Variants in VPS36 observed in about 807,000 individuals in gnomAD.
VPS36 encodes vacuolar protein sorting 36 homolog, also known as vacuolar protein-sorting-associated protein 36.
Under a neutral mutation model 63.5 loss-of-function variants are expected in VPS36, and 31 were observed. The ratio of observed to expected loss-of-function variants is 0.49; its 90% CI spans 0.37 to 0.66. VPS36 has a LOEUF of 0.66. Ranked by LOEUF, VPS36 falls within the 30% of genes least tolerant of loss-of-function variation. The pLI is 0.00. For synonymous variants in VPS36, 138 were observed against 157.2 expected (o/e 0.88, Z 0.91); for missense variants, 338 against 463.7 (o/e 0.73, Z 2.49).
chr13:52,419,672 T>TA (rs1408855604), intron 10 of VPS36, among the ~76,000 whole-genome samples: 1 of 152,196 alleles, frequency 6.6e-6, no homozygotes, highest in East Asian at 1.9e-4. Flanking sequence ...GAAAGGAGTG[T>TA]ATCAAAGAGA....
intron 10 of VPS36, among the ~76,000 whole-genome samples, chr13:52,418,821 C>T (rs1253429785): frequency 6.6e-6 from 1 of 152,192 alleles, no homozygotes; most frequent in African/African-American, 2.4e-5. Flanking sequence ...CATGATGTGG[C>T]TATCCTTGTG....
chr13:52,423,210 T>C (rs1958062969), intron 10 of VPS36, among the ~76,000 whole-genome samples: 1 of 152,178 alleles, frequency 6.6e-6, no homozygotes, highest in South Asian at 2.1e-4. Context: ...GATTTGATCA[T>C]TATGCAGTGT....
chr13:52,443,271 GA>G (rs1232953355), intron 1 of VPS36, among the ~76,000 whole-genome samples: 1 of 152,146 alleles, frequency 6.6e-6, no homozygotes, highest in African/African-American at 2.4e-5. Flanking sequence ...ACCTTTCTAA[GA>G]AGGCATAAAA....
chr13:52,427,788 A>C (rs1217386164), intron 6 of VPS36, among the ~76,000 whole-genome samples: 2 of 152,210 alleles, frequency 1.3e-5, no homozygotes, highest in African/African-American at 2.4e-5. Context: ...TTAAATAAGC[A>C]AAAGGTGATA....
At chr13:52,429,684 T>C (rs1444181704) in intron 6 of VPS36, among the ~76,000 whole-genome samples, 1 of 152,248 alleles carries the variant, frequency 6.6e-6, no homozygotes, top group Non-Finnish European at 1.5e-5. Flanking sequence ...AATGCTTATG[T>C]AGAATCCTTT....
rs1354933169 is a variant in VPS36, at chr13:52,439,084, A to C, written c.236+14T>G. ...GTTTTCTGTGAATAAAGACTGTGCT[A>C]TACACAGACTTACCTCTTCCCAATT... On this transcript the variant is annotated intron_variant, in intron 3 of 13. Coordinates refer to ENST00000378060, the MANE Select transcript of VPS36 (RefSeq NM_016075.4). The C allele has an allele frequency of 6.2e-7, 1 of 1,612,522 alleles. No individual in the cohort carries two copies. Among genetic ancestry groups the C allele is most frequent in the Admixed American group, 1.7e-5 (1 of 60,014 alleles).
intron 2 of VPS36, 143 bp from the exon 3 acceptor site, chr13:52,439,311 TGAAC>T: frequency 9.2e-6 from 6 of 651,758 alleles, no homozygotes; most frequent in Non-Finnish European, 1.4e-5. Context: ...ACTCCTTAAA[TGAAC>T]TTAAGGAAAA....
chr13:52,428,386 C>T (rs1958124597), intron 6 of VPS36, among the ~76,000 whole-genome samples: 1 of 152,118 alleles, frequency 6.6e-6, no homozygotes, highest in African/African-American at 2.4e-5. Context: ...TCAGCTTATG[C>T]CCATCTGCAG....
chr13:52,421,021 T>C (rs1378726690), intron 10 of VPS36, among the ~76,000 whole-genome samples: 1 of 152,148 alleles, frequency 6.6e-6, no homozygotes, highest in Non-Finnish European at 1.5e-5. Context: ...CTTGAGAAGC[T>C]GAAGCACAAG....
intron 8 of VPS36, 134 bp from the exon 9 acceptor site, chr13:52,426,200 C>T (rs1315164364): frequency 3.5e-6 from 4 of 1,128,814 alleles, no homozygotes; most frequent in Non-Finnish European, 4.9e-6. Flanking sequence ...ATGCTGTGAA[C>T]TATAAGGGAG....
At chr13:52,417,685 A>G (rs1436506592) in intron 11 of VPS36, among the ~76,000 whole-genome samples, 1 of 152,146 alleles carries the variant, frequency 6.6e-6, no homozygotes. Context: ...TAAACCTAAG[A>G]ATAAGGAAAA....
At chr13:52,427,606 CA>C (rs761470811) in intron 6 of VPS36, among the ~76,000 whole-genome samples, 8,558 of 106,860 alleles carry the variant, frequency 0.08, 242 homozygotes, top group South Asian at 0.11. Context: ...GATTCTGTCT[CA>C]AAAAAAAAAA....
rs368352495 is a variant in VPS36, at chr13:52,436,198, C to T, written c.351+92G>A. 6.1e-5 allele frequency: 48 copies of T among 782,498 alleles called. No individual in the cohort carries two copies. The African/African-American group carries it at 6.7e-4, about 11-fold the overall frequency. The allele number at this position is 782,498 out of a possible 1,614,324, so 48.5% of individuals were successfully genotyped here. On this transcript the variant is annotated intron_variant, in intron 4 of 13. Coordinates refer to ENST00000378060, the MANE Select transcript of VPS36 (RefSeq NM_016075.4). The stretch of plus-strand genomic sequence containing the variant: ...CTGGTATGTTGTATAATACTACCTT[C>T]CATCATATTAACAAGCCACAACACA...
Position 52,415,899 on chromosome 13 carries a change from G to A in VPS36, c.1092C>T (p.Gly364=). 1.2e-6 allele frequency: 2 copies of A among 1,613,840 alleles called. No individual in the cohort carries two copies. Among genetic ancestry groups the A allele is most frequent in the Non-Finnish European group, 1.7e-6 (2 of 1,179,980 alleles). ...KERLLLAEKM[G]HLCRDDSVEG... is the part of the protein sequence containing the mutation. Reference sequence around the variant, plus strand: ...CCACTGAGTCATCACGGCAAAGATGGCCCATCTTCTCTGCAAGCAGCAACC... The same window carrying A: ...CCACTGAGTCATCACGGCAAAGATGACCCATCTTCTCTGCAAGCAGCAACC... Residue 364 remains glycine (G), a synonymous_variant, in exon 14 of 14, where the codon GGC becomes GGT. Transcript: ENST00000378060.
intron 2 of VPS36, among the ~76,000 whole-genome samples, chr13:52,439,841 A>C (rs1958257899): frequency 6.6e-6 from 1 of 152,242 alleles, no homozygotes; most frequent in Non-Finnish European, 1.5e-5. Context: ...CAGATACATC[A>C]AGATAATTTT....
Position 52,432,495 on chromosome 13 carries a change from T to C in VPS36, c.528+1167A>G, listed in dbSNP as rs139612486. 3.3e-5 allele frequency among the ~76,000 whole-genome samples: 5 copies of C among 152,276 alleles called. No individual in the cohort carries two copies. The East Asian group carries it at 5.8e-4, about 18-fold the overall frequency. On this transcript the variant is annotated intron_variant, in intron 6 of 13. Coordinates refer to ENST00000378060, the MANE Select transcript of VPS36 (RefSeq NM_016075.4). ...CTATATGAACTGGACAACCAAATAG[T>C]AGATAAGGGAAACATTTCTTTAAAA...
intron 1 of VPS36, chr13:52,450,252 G>A: frequency 1.8e-6 from 2 of 1,115,774 alleles, no homozygotes; most frequent in African/African-American, 1.6e-5. Context: ...CGCGATCCGC[G>A]CCTGCTGGGA....
intron 1 of VPS36, among the ~76,000 whole-genome samples, chr13:52,443,478 C>T (rs1958302610): frequency 6.6e-6 from 1 of 152,048 alleles, no homozygotes; most frequent in Admixed American, 6.6e-5. Flanking sequence ...CACGTGCTGA[C>T]AAAAGACCAT....
rs1259903157 is a variant in VPS36 at position 52,429,281 on chromosome 13, CT to C, written c.529-2063del. 6.1e-6 allele frequency: 6 copies of C among 985,262 alleles called. No individual in the cohort carries two copies. In the East Asian group the frequency reaches 6.8e-4, roughly 112 times the overall value. 61.0% of individuals were successfully genotyped at this position (985,262 alleles called of 1,614,324 possible). ...ATTAGCATCAGTAACTCAGTATATTCTTGATTTTCCACTTCAGTACTCTTGA... is the reference window on the plus strand; with the variant it reads ...ATTAGCATCAGTAACTCAGTATATTCTGATTTTCCACTTCAGTACTCTTGA... On this transcript the variant is annotated intron_variant, in intron 6 of 13. Coordinates refer to ENST00000378060, the MANE Select transcript of VPS36 (RefSeq NM_016075.4).
Sources: allele counts gnomAD v4.1 joint callset (sites outside exome capture counted in the v4.1 genomes callset), GRCh38; gene constraint gnomAD v4.1.1; transcripts MANE v1.5; gene names NCBI Gene and HGNC (gene_info 2026-07-23, HGNC 2026-07-21).